Variants in PCDH15 observed in about 807,000 individuals in gnomAD.
The protein encoded by PCDH15 is protocadherin-15.
PCDH15 carries 129 observed loss-of-function variants against 178.5 expected under a neutral mutation model. The ratio of observed to expected loss-of-function variants is 0.72; its 90% CI spans 0.63 to 0.84. The LOEUF is 0.84. PCDH15 is among the 40% of genes least tolerant of loss of function. The pLI is 0.00. For missense variants in PCDH15, 2,230 were observed against 2,099.9 expected, an observed-to-expected ratio of 1.06 and a Z score of -1.21; for synonymous variants, 800 against 732.0, an observed-to-expected ratio of 1.09 and a Z score of -1.50.
intron 2 of PCDH15, among the ~76,000 whole-genome samples, chr10:55,504,095 ATGT>A (rs1361954527): frequency 6.6e-6 from 1 of 151,406 alleles, no homozygotes; most frequent in African/African-American, 2.4e-5. Context: ...TGATGAATAC[ATGT>A]TATACCTTTG....
intron 18 of PCDH15, among the ~76,000 whole-genome samples, chr10:54,046,520 A>G (rs1227770457): frequency 3.3e-5 from 5 of 152,130 alleles, no homozygotes; most frequent in Non-Finnish European, 7.4e-5. Flanking sequence ...ACAGATACTA[A>G]TGCACACACA....
At chr10:54,821,848 T>A (rs1953047041) in intron 3 of PCDH15, among the ~76,000 whole-genome samples, 1 of 152,118 alleles carries the variant, frequency 6.6e-6, no homozygotes, top group Non-Finnish European at 1.5e-5. Flanking sequence ...AATTTTTTTT[T>A]ATGCCTGTTT....
intron 32 of PCDH15, chr10:53,822,717 G>GAGAAGTGAGGCCTGGGAA: frequency 6.2e-7 from 1 of 1,614,098 alleles, no homozygotes; most frequent in Non-Finnish European, 8.5e-7. Flanking sequence ...AGTGGAGAAT[G>GAGAAGTGAGGCCTGGGAA]AGAAGTGAGG....
intron 2 of PCDH15, among the ~76,000 whole-genome samples, chr10:55,499,694 T>G (rs1317224485): frequency 1.3e-5 from 2 of 151,756 alleles, no homozygotes; most frequent in Non-Finnish European, 2.9e-5. Context: ...CATGTTGACA[T>G]GTAATTTGTA....
intron 3 of PCDH15, among the ~76,000 whole-genome samples, chr10:54,871,566 G>A (rs1436682411): frequency 6.6e-6 from 1 of 151,906 alleles, no homozygotes; most frequent in East Asian, 1.9e-4. Context: ...GTTCACAAAT[G>A]GGAAAATTCC....
intron 1 of PCDH15, among the ~76,000 whole-genome samples, chr10:55,257,808 T>C (rs1050326795): frequency 1.3e-5 from 2 of 152,064 alleles, no homozygotes; most frequent in African/African-American, 2.4e-5. Context: ...TGCAGGATAT[T>C]ATCCAGGAGA....
intron 2 of PCDH15, among the ~76,000 whole-genome samples, chr10:55,508,287 T>C (rs1840804490): frequency 6.6e-6 from 1 of 151,634 alleles, no homozygotes; most frequent in African/African-American, 2.4e-5. Flanking sequence ...GCAGTTCCAT[T>C]TTTTTACCCT....
At chr10:53,873,418 T>C (rs540517103) in intron 26 of PCDH15, among the ~76,000 whole-genome samples, 1 of 152,364 alleles carries the variant, frequency 6.6e-6, no homozygotes, top group South Asian at 2.1e-4. Context: ...TGTAAATACA[T>C]ATATTATTAC....
At chr10:54,498,025 T>G (rs1010217372) in intron 3 of PCDH15, among the ~76,000 whole-genome samples, 25 of 151,198 alleles carry the variant, frequency 1.7e-4, no homozygotes, top group African/African-American at 5.6e-4. Context: ...TAGGTTAACA[T>G]GAAAGAAAAA....
chr10:54,513,552 T>C (rs889919487), intron 3 of PCDH15, among the ~76,000 whole-genome samples: 12 of 152,328 alleles, frequency 7.9e-5, no homozygotes, highest in Admixed American at 1.3e-4. Flanking sequence ...ACAAAATTTT[T>C]GTCATCATTG....
Position 54,652,465 on chromosome 10 carries a change from C to T in PCDH15, c.91+11707G>A, listed in dbSNP as rs190764034. On this transcript the variant is annotated intron_variant, in intron 2 of 37. Transcript: ENST00000644397. Reference sequence around the variant, plus strand: ...CAAAGAACTAAGACTCGCAGGCATTCCTAACTGGAATCTATCTCTATTTCA... The same window carrying T: ...CAAAGAACTAAGACTCGCAGGCATTTCTAACTGGAATCTATCTCTATTTCA... Among the ~76,000 whole-genome samples the T allele has an allele frequency of 1.5e-3, 230 of 152,314 alleles. No homozygotes were observed. The Middle Eastern group carries it at 0.027, about 18-fold the overall frequency.
chr10:55,261,209 C>T (rs556535178), intron 1 of PCDH15, among the ~76,000 whole-genome samples: 1 of 152,198 alleles, frequency 6.6e-6, no homozygotes, highest in African/African-American at 2.4e-5. Context: ...CAGCCAAACT[C>T]ATGGTTGTGA....
chr10:55,598,053 A>G (rs180745517), intron 2 of PCDH15, among the ~76,000 whole-genome samples: 4 of 152,264 alleles, frequency 2.6e-5, no homozygotes, highest in African/African-American at 9.6e-5. Context: ...CCCCTACGGG[A>G]AACAGCAGTG....
intron 28 of PCDH15, among the ~76,000 whole-genome samples, chr10:53,851,333 T>C (rs1011792751): frequency 6.6e-6 from 1 of 152,018 alleles, no homozygotes; most frequent in East Asian, 1.9e-4. Context: ...TTATATGCCA[T>C]TTTTATGCAA....
At chr10:54,322,284 A>G (rs919296068) in intron 7 of PCDH15, among the ~76,000 whole-genome samples, 1 of 151,910 alleles carries the variant, frequency 6.6e-6, no homozygotes, top group Non-Finnish European at 1.5e-5. Context: ...ATAATCTAAT[A>G]TATATTAAAA....
At chr10:54,360,177 C>T (rs149402444) in intron 5 of PCDH15, among the ~76,000 whole-genome samples, 13 of 152,166 alleles carry the variant, frequency 8.5e-5, no homozygotes, top group Non-Finnish European at 1.5e-4. Flanking sequence ...TTTGCCAGAT[C>T]GCCACATCAG....
At chr10:54,462,670 C>T (rs1229726737) in intron 3 of PCDH15, among the ~76,000 whole-genome samples, 1 of 140,508 alleles carries the variant, frequency 7.1e-6, no homozygotes, top group African/African-American at 2.7e-5. Context: ...CGTGTCACCA[C>T]ACCTGCTTAA....
At chr10:54,421,948 A>ATAT (rs1565232646) in intron 3 of PCDH15, among the ~76,000 whole-genome samples, 2 of 89,926 alleles carry the variant, frequency 2.2e-5, no homozygotes, top group Admixed American at 1.9e-4. Context: ...TATATATAAA[A>ATAT]ATATATATAT....
At chr10:54,623,149 T>C (rs1159640372) in intron 2 of PCDH15, among the ~76,000 whole-genome samples, 2 of 152,024 alleles carry the variant, frequency 1.3e-5, no homozygotes, top group Non-Finnish European at 2.9e-5. Flanking sequence ...TTTCCACCAT[T>C]GCGCTGACTT....
Sources: allele counts gnomAD v4.1 joint callset (sites outside exome capture counted in the v4.1 genomes callset), GRCh38; gene constraint gnomAD v4.1.1; transcripts MANE v1.5; gene names NCBI Gene and HGNC (gene_info 2026-07-23, HGNC 2026-07-21).